G2E3: variants seen among roughly 807,000 people sequenced by gnomAD.
G2E3 encodes the protein G2/M phase-specific E3 ubiquitin-protein ligase.
A neutral mutation model predicts 92.8 loss-of-function variants in G2E3; 35 were observed. That is an observed-to-expected ratio of 0.38 (90% CI 0.29 to 0.50). The LOEUF is 0.50. Ranked by LOEUF, G2E3 falls within the 20% of genes least tolerant of loss-of-function variation. The pLI is 0.94. For missense variants in G2E3, 554 were observed against 823.8 expected (o/e 0.67, Z 4.01); for synonymous variants, 242 against 272.4 (o/e 0.89, Z 1.10).
At chr14:30,599,229 TTTTG>T (rs1344939572) in intron 8 of G2E3, among the ~76,000 whole-genome samples, 4 of 152,024 alleles carry the variant, frequency 2.6e-5, no homozygotes, top group Non-Finnish European at 4.4e-5. Flanking sequence ...TACCTCTTTT[TTTTG>T]TTTGTTTGTT....
intron 1 of G2E3, among the ~76,000 whole-genome samples, chr14:30,564,682 A>G (rs1405084037): frequency 1.3e-5 from 2 of 152,184 alleles, no homozygotes; most frequent in South Asian, 2.1e-4. Context: ...TACATTCACG[A>G]TGTTGTGCAA....
chr14:30,615,374 G>T lies in G2E3; in HGVS notation c.1699G>T (p.Gly567Cys). 1 of 1,596,664 alleles carries T rather than the reference G, an allele frequency of 6.3e-7. No homozygotes were observed. Among genetic ancestry groups the T allele is most frequent in the Non-Finnish European group, 8.5e-7 (1 of 1,171,756 alleles). Residue 567 changes from glycine (G) to cysteine (C), a missense_variant, in exon 14 of 15, where the codon GGT becomes TGT. Around this residue, in one of 3 missense-constraint regions of G2E3, gnomAD observed 397 missense variants for 560.3 expected, o/e 0.71. Transcript: ENST00000206595. ...ESFKQGLKTL[G>C]VLEKIQAYPE... ...TTTTAAGCAGGGTCTGAAAACCCTT[G>T]GTGTTTTGGAGAAAATTCAGGCTTA...
intron 1 of G2E3, among the ~76,000 whole-genome samples, chr14:30,578,191 A>G (rs1225973345): frequency 6.6e-6 from 1 of 152,184 alleles, no homozygotes; most frequent in Non-Finnish European, 1.5e-5. Context: ...TCCACATGCT[A>G]GGGATTAGGA....
chr14:30,613,346 A>AT (rs967341406), intron 13 of G2E3, among the ~76,000 whole-genome samples: 2 of 152,214 alleles, frequency 1.3e-5, no homozygotes, highest in African/African-American at 4.8e-5. Flanking sequence ...TAATCCATAG[A>AT]TTTAAATATA....
chr14:30,568,622 A>G (rs745548541), intron 1 of G2E3, among the ~76,000 whole-genome samples: 4 of 152,126 alleles, frequency 2.6e-5, no homozygotes, highest in Non-Finnish European at 5.9e-5. Flanking sequence ...ACTTATAACA[A>G]CCTAGTTTGA....
At chr14:30,594,421 GGCTCAC>G (rs747512646) in intron 6 of G2E3, among the ~76,000 whole-genome samples, 1 of 152,180 alleles carries the variant, frequency 6.6e-6, no homozygotes, top group East Asian at 1.9e-4. Flanking sequence ...CGGGTGTGGT[GGCTCAC>G]GCCTGTAATC....
intron 2 of G2E3, among the ~76,000 whole-genome samples, chr14:30,585,668 C>G (rs2138832678): frequency 6.7e-6 from 1 of 149,378 alleles, no homozygotes; most frequent in African/African-American, 2.5e-5. Flanking sequence ...TTTACTCCCT[C>G]TATTGTTTTT....
chr14:30,619,217 C>G lies in G2E3; in HGVS notation c.*2683C>G, dbSNP rs1311916592. Reference sequence around the variant, plus strand: ...TTTTTGTTTGGGTTAAGTAAAAAGCCTTTGATTGATTACCAGCATGAGAAT... The same window carrying G: ...TTTTTGTTTGGGTTAAGTAAAAAGCGTTTGATTGATTACCAGCATGAGAAT... On this transcript the variant is annotated 3_prime_UTR_variant, in exon 15 of 15. Transcript: ENST00000206595. 6.6e-6 allele frequency: 1 copy of G among 151,904 alleles called. No individual in the cohort carries two copies. The highest frequency in any genetic ancestry group is 2.4e-5 in the African/African-American group (1 of 41,396). 9.4% of individuals were successfully genotyped at this position (151,904 alleles called of 1,614,324 possible). A position where few individuals can be genotyped will look rare whatever the true frequency, so the allele number is the denominator to read the frequency against.
At chr14:30,578,577 T>C (rs1880251617) in intron 1 of G2E3, among the ~76,000 whole-genome samples, 1 of 152,222 alleles carries the variant, frequency 6.6e-6, no homozygotes, top group African/African-American at 2.4e-5. Flanking sequence ...AAAATTTAAA[T>C]GCACTACATT....
intron 1 of G2E3, among the ~76,000 whole-genome samples, chr14:30,565,625 G>A (rs1879379719): frequency 7.9e-6 from 1 of 126,008 alleles, no homozygotes; most frequent in Admixed American, 7.8e-5. Context: ...TTTAATGCGT[G>A]TGAGGTAGGG....
At chr14:30,576,027 T>C (rs1880065856) in intron 1 of G2E3, among the ~76,000 whole-genome samples, 1 of 152,112 alleles carries the variant, frequency 6.6e-6, no homozygotes, top group South Asian at 2.1e-4. Context: ...ATTTTAAAAT[T>C]CATGTGGAAC....
chr14:30,616,508 G>A lies in G2E3; in HGVS notation c.2095G>A (p.Glu699Lys). ...IRNTLRLEKE[E>K]SSHYIGH ...AAACACTCTAAGACTAGAAAAGGAA[G>A]AAAGTTCTCATTACATTGGACATTA... The change falls in exon 15 of 15, where the codon GAA becomes AAA. Residue 699 changes from glutamate to lysine, a missense_variant. Glu to Lys is a moderately conservative substitution (Grantham distance 56). This residue lies in a region of G2E3 where 397 missense variants were observed against 560.3 expected (regional missense o/e 0.71). Coordinates refer to ENST00000206595, the MANE Select transcript of G2E3 (RefSeq NM_017769.5). 6.2e-7 allele frequency: 1 copy of A among 1,601,550 alleles called. No homozygotes were observed. The highest frequency in any genetic ancestry group is 8.5e-7 in the Non-Finnish European group (1 of 1,172,580).
At position 30,586,696 on chromosome 14, in the gene G2E3, CTATT is replaced by C. The variant is rs758209735; in HGVS notation, c.38-19_38-16del. On this transcript the variant is annotated intron_variant, in intron 2 of 14. Transcript: ENST00000206595. Reference sequence around the variant, plus strand: ...GAAATATTTAAATATATTTTTATATCTATTTACTTTTTCACTGTTAGCTTGTGTT... The same window carrying C: ...GAAATATTTAAATATATTTTTATATCTACTTTTTCACTGTTAGCTTGTGTT... 1.3e-6 allele frequency: 1 copy of C among 781,638 alleles called. No individual in the cohort carries two copies. Among genetic ancestry groups the C allele is most frequent in the Non-Finnish European group, 2.1e-6 (1 of 481,420 alleles). The allele number at this position is 781,638 out of a possible 1,614,324, so 48.4% of individuals were successfully genotyped here.
chr14:30,571,047 C>G (rs968729916), intron 1 of G2E3, among the ~76,000 whole-genome samples: 2 of 152,014 alleles, frequency 1.3e-5, no homozygotes, highest in Non-Finnish European at 2.9e-5. Flanking sequence ...AACATAAGGT[C>G]ACAGAAATTT....
chr14:30,613,428 C>T (rs1294415489), intron 13 of G2E3, among the ~76,000 whole-genome samples: 1 of 152,070 alleles, frequency 6.6e-6, no homozygotes, highest in Non-Finnish European at 1.5e-5. Context: ...GTATAAGTCT[C>T]TTTATATTAT....
chr14:30,586,571 T>C, intron 2 of G2E3, 147 bp from the exon 3 acceptor site: 4 of 382,396 alleles, frequency 1.0e-5, no homozygotes, highest in Middle Eastern at 7.4e-4. Context: ...GAAGTAGGTA[T>C]TGGAAATTTT....
At chr14:30,575,901 C>T (rs1051986625) in intron 1 of G2E3, among the ~76,000 whole-genome samples, 4 of 152,172 alleles carry the variant, frequency 2.6e-5, no homozygotes, top group Non-Finnish European at 5.9e-5. Flanking sequence ...ATCCCATGCT[C>T]ATGTATAGGA....
chr14:30,592,519 T>C (rs1422581726), intron 5 of G2E3, 72 bp downstream of exon 5: 4 of 1,130,560 alleles, frequency 3.5e-6, no homozygotes, highest in African/African-American at 3.2e-5. Flanking sequence ...CCCAATGATA[T>C]AATACTACAA....
chr14:30,562,216 C>T (rs935797218), intron 1 of G2E3, among the ~76,000 whole-genome samples: 3 of 151,856 alleles, frequency 2.0e-5, no homozygotes, highest in East Asian at 1.9e-4. Context: ...ACTGGGGGCA[C>T]GAGCTGTTCC....
Sources: gnomAD v4.1 joint callset for allele counts (sites outside exome capture counted in the v4.1 genomes callset) on GRCh38, gnomAD v4.1.1 for gene constraint, gnomAD v4.1.1 regional missense constraint, MANE v1.5 for transcripts, NCBI Gene and HGNC (gene_info 2026-07-23, HGNC 2026-07-21) for gene names.